CSRNP3: variants seen among roughly 807,000 people sequenced by gnomAD.
CSRNP3 encodes cysteine and serine rich nuclear protein 3.
A neutral mutation model predicts 48.0 loss-of-function variants in CSRNP3; 12 were observed. The observed-to-expected ratio is 0.25, with a 90% confidence interval of 0.16 to 0.41. The LOEUF (loss-of-function observed/expected upper bound fraction) is 0.41, where lower values mean the gene tolerates loss of function less well. CSRNP3 is among the 10% of genes least tolerant of loss of function. The pLI is 1.00. For synonymous variants in CSRNP3, 263 were observed against 269.7 expected (o/e 0.98, Z 0.24); for missense variants, 580 against 724.4 (o/e 0.80, Z 2.29).
At chr2:165,632,696 A>G (rs770418910) in intron 4 of CSRNP3, among the ~76,000 whole-genome samples, 22 of 152,234 alleles carry the variant, frequency 1.4e-4, no homozygotes, top group Non-Finnish European at 1.9e-4. Flanking sequence ...ATAAAAAGGA[A>G]CTTAAATGAG....
intron 1 of CSRNP3, among the ~76,000 whole-genome samples, chr2:165,492,767 C>T (rs1031999919): frequency 4.1e-5 from 6 of 145,142 alleles, no homozygotes; most frequent in African/African-American, 1.5e-4. Context: ...AACTTGCTGT[C>T]GATGTTGCTT....
Position 165,679,562 on chromosome 2 carries a change from A to G in CSRNP3, c.1567A>G (p.Arg523Gly), listed in dbSNP as rs778504735. ...VPCNSLYPEH[R>G]SNHPQVEFHS... Reference sequence around the variant, plus strand: ...CTGCAATAGTTTATATCCTGAACACAGGTCCAATCACCCTCAAGTGGAATT... The same window carrying G: ...CTGCAATAGTTTATATCCTGAACACGGGTCCAATCACCCTCAAGTGGAATT... Residue 523 changes from arginine (R) to glycine (G), a missense_variant, in exon 7 of 7, where the codon AGG (arginine) becomes GGG (glycine). Arg to Gly is a moderately radical substitution (Grantham distance 125). Around this residue, in one of 4 missense-constraint regions of CSRNP3, gnomAD observed 369 missense variants for 380.8 expected, o/e 0.97. Transcript: ENST00000651982. 17 of 1,613,986 alleles carry G rather than the reference A, an allele frequency of 1.1e-5. No homozygotes were observed. Among genetic ancestry groups the G allele is most frequent in the Non-Finnish European group, 1.4e-5 (16 of 1,179,986 alleles).
At chr2:165,475,625 G>A (rs1477840182) in intron 1 of CSRNP3, among the ~76,000 whole-genome samples, 1 of 152,162 alleles carries the variant, frequency 6.6e-6, no homozygotes, top group East Asian at 1.9e-4. Flanking sequence ...CCCCCAGATT[G>A]TTTTGCCGAT....
At chr2:165,556,020 T>G (rs1334890012) in intron 3 of CSRNP3, among the ~76,000 whole-genome samples, 3 of 152,116 alleles carry the variant, frequency 2.0e-5, no homozygotes, top group Non-Finnish European at 2.9e-5. Context: ...GTGTTTTAGA[T>G]TGCCTACCTG....
At chr2:165,508,611 C>T (rs1475036768) in intron 2 of CSRNP3, among the ~76,000 whole-genome samples, 1 of 151,928 alleles carries the variant, frequency 6.6e-6, no homozygotes, top group Non-Finnish European at 1.5e-5. Context: ...TAATCATAAA[C>T]ATTTACATAT....
intron 3 of CSRNP3, among the ~76,000 whole-genome samples, chr2:165,578,358 C>T (rs181303231): frequency 6.6e-6 from 1 of 152,190 alleles, no homozygotes; most frequent in East Asian, 1.9e-4. Flanking sequence ...GTCTTACACT[C>T]TCCCTAATCA....
At chr2:165,507,351 G>A (rs1684440420) in intron 2 of CSRNP3, among the ~76,000 whole-genome samples, 2 of 152,102 alleles carry the variant, frequency 1.3e-5, no homozygotes, top group Admixed American at 6.5e-5. Flanking sequence ...GGCAACCTCT[G>A]TTTTTTGGTA....
chr2:165,477,945 C>T (rs1448867186), intron 1 of CSRNP3, among the ~76,000 whole-genome samples: 2 of 151,150 alleles, frequency 1.3e-5, no homozygotes, highest in African/African-American at 4.9e-5. Flanking sequence ...TCTTGGCACT[C>T]CAGCCTGGGT....
intron 1 of CSRNP3, among the ~76,000 whole-genome samples, chr2:165,489,163 A>T (rs1187394742): frequency 6.6e-6 from 1 of 151,186 alleles, no homozygotes. Flanking sequence ...AGAATACTAC[A>T]AACACCTCTA....
intron 5 of CSRNP3, among the ~76,000 whole-genome samples, chr2:165,660,864 T>A (rs936876952): frequency 6.6e-6 from 1 of 152,172 alleles, no homozygotes; most frequent in Non-Finnish European, 1.5e-5. Flanking sequence ...TTGGTTATAA[T>A]CACTACTTCC....
intron 4 of CSRNP3, among the ~76,000 whole-genome samples, chr2:165,640,721 G>A (rs1321172242): frequency 2.6e-5 from 4 of 152,198 alleles, no homozygotes; most frequent in African/African-American, 7.2e-5. Context: ...GAGTATGAGA[G>A]CATTCCAGAA....
At chr2:165,635,785 TACACA>T (rs1686616984) in intron 4 of CSRNP3, among the ~76,000 whole-genome samples, 1 of 152,190 alleles carries the variant, frequency 6.6e-6, no homozygotes, top group South Asian at 2.1e-4. Flanking sequence ...AGGCCAGAAC[TACACA>T]ATTCTATAGG....
At chr2:165,558,516 A>G (rs1324113756) in intron 3 of CSRNP3, among the ~76,000 whole-genome samples, 1 of 152,180 alleles carries the variant, frequency 6.6e-6, no homozygotes, top group East Asian at 1.9e-4. Context: ...GTTTCCATTT[A>G]AAAACCATTT....
At chr2:165,535,450 G>A (rs1441625909) in intron 3 of CSRNP3, among the ~76,000 whole-genome samples, 1 of 151,566 alleles carries the variant, frequency 6.6e-6, no homozygotes, top group Non-Finnish European at 1.5e-5. Flanking sequence ...CTAGGCAGTG[G>A]GTTACAAATA....
chr2:165,497,745 G>A (rs1684302217), intron 2 of CSRNP3, among the ~76,000 whole-genome samples: 1 of 152,036 alleles, frequency 6.6e-6, no homozygotes, highest in East Asian at 1.9e-4. Flanking sequence ...AATTTGACAA[G>A]AATCAAAATG....
rs1281280166 is a variant in CSRNP3, at chr2:165,681,758, T to TAC, written c.*2006_*2007insCA. The TAC allele has an allele frequency of 3.1e-4, 16 of 50,814 alleles. No individual in the cohort carries two copies. Among genetic ancestry groups the TAC allele is most frequent in the Middle Eastern group, 9.3e-3 (1 of 108 alleles). 3.1% of individuals were successfully genotyped at this position (50,814 alleles called of 1,614,324 possible). On this transcript the variant is annotated 3_prime_UTR_variant, in exon 7 of 7. Transcript: ENST00000651982. ...ATATATATATATATATATATATATA[T>TAC]ATACACACACACACACACATACACA...
At chr2:165,674,043 T>A (rs965662832) in intron 5 of CSRNP3, among the ~76,000 whole-genome samples, 1 of 151,826 alleles carries the variant, frequency 6.6e-6, no homozygotes, top group Non-Finnish European at 1.5e-5. Context: ...AAATATAAAA[T>A]AAAATAAAAA....
chr2:165,538,284 A>G (rs996282243), intron 3 of CSRNP3, among the ~76,000 whole-genome samples: 1 of 151,964 alleles, frequency 6.6e-6, no homozygotes, highest in Non-Finnish European at 1.5e-5. Context: ...ACTACTACAT[A>G]CCACCCTGTC....
chr2:165,639,447 C>A lies in CSRNP3; in HGVS notation c.149-18314C>A, dbSNP rs147070400. The stretch of plus-strand genomic sequence containing the variant: ...AATAATGAGAATCAACTGTTTATAT[C>A]TTAGTGATCTGGCCACAAAGTGCAT... On this transcript the variant is annotated intron_variant, in intron 4 of 6. Coordinates refer to ENST00000651982, the MANE Select transcript of CSRNP3 (RefSeq NM_001172173.2). 3.0e-3 allele frequency among the ~76,000 whole-genome samples: 455 copies of A among 152,244 alleles called. 6 individuals carry two copies. The highest frequency in any genetic ancestry group is 0.01 in the African/African-American group (429 of 41,536).
Sources: gnomAD v4.1 joint callset for allele counts (sites outside exome capture counted in the v4.1 genomes callset) on GRCh38, gnomAD v4.1.1 for gene constraint, gnomAD v4.1.1 regional missense constraint, MANE v1.5 for transcripts, NCBI Gene and HGNC (gene_info 2026-07-23, HGNC 2026-07-21) for gene names.